Variants in RPTOR observed in about 807,000 individuals in gnomAD.
RPTOR encodes regulatory associated protein of MTOR complex 1, also known as regulatory-associated protein of mTOR.
RPTOR carries 21 observed loss-of-function variants against 169.9 expected under a neutral mutation model. The ratio of observed to expected loss-of-function variants is 0.12; its 90% confidence interval spans 0.09 to 0.18. The LOEUF (loss-of-function observed/expected upper bound fraction) is 0.18. Ranked by LOEUF, RPTOR falls within the 10% of genes least tolerant of loss-of-function variation. The pLI, the probability that RPTOR is intolerant of heterozygous loss-of-function variation, is 1.00. For synonymous variants in RPTOR, 732 were observed against 753.2 expected, an observed-to-expected ratio of 0.97 and a Z score of 0.46; for missense variants, 1,133 against 1,855.9, an observed-to-expected ratio of 0.61 and a Z score of 7.16.
chr17:80,769,808 G>A (rs571023617), intron 6 of RPTOR, among the ~76,000 whole-genome samples: 1 of 152,342 alleles, frequency 6.6e-6, no homozygotes, highest in African/African-American at 2.4e-5. Flanking sequence ...TGTGGCATCT[G>A]AGTGAAGGAT....
Position 80,860,189 on chromosome 17 carries a change from C to T in RPTOR, c.1509+2289C>T, listed in dbSNP as rs186974586. Reference sequence around the variant, plus strand: ...TCCGTCCAGTCACTGGCACTGAGACCCAGCCTCATCCTTAGCCCTGTCAGC... The same window carrying T: ...TCCGTCCAGTCACTGGCACTGAGACTCAGCCTCATCCTTAGCCCTGTCAGC... On this transcript the variant is annotated intron_variant, in intron 13 of 33. Transcript: ENST00000306801. This position sits in a 1 kb window ranked among gnomAD's most constrained non-coding sequence, Gnocchi z 5.8. Among the ~76,000 whole-genome samples, 12 of 152,344 alleles carry T rather than the reference C, an allele frequency of 7.9e-5. No individual in the cohort carries two copies. The highest frequency in any genetic ancestry group is 2.6e-4 in the African/African-American group (11 of 41,588).
intron 24 of RPTOR, among the ~76,000 whole-genome samples, chr17:80,925,893 A>C (rs1476433785): frequency 1.3e-5 from 2 of 152,232 alleles, no homozygotes; most frequent in Non-Finnish European, 2.9e-5. Flanking sequence ...TCTGAGGCTC[A>C]ACCCTGACAC....
intron 5 of RPTOR, among the ~76,000 whole-genome samples, chr17:80,747,635 C>A (rs912407553): frequency 2.6e-5 from 4 of 152,238 alleles, no homozygotes; most frequent in Non-Finnish European, 5.9e-5. Flanking sequence ...GCCAAGCGCC[C>A]GTGCATCTCA....
intron 1 of RPTOR, among the ~76,000 whole-genome samples, chr17:80,575,581 C>T (rs2064955688): frequency 6.6e-6 from 1 of 152,156 alleles, no homozygotes; most frequent in East Asian, 1.9e-4. Context: ...CGTGTGCATA[C>T]ATGCATGCAC....
intron 6 of RPTOR, among the ~76,000 whole-genome samples, chr17:80,790,036 C>A (rs2067031340): frequency 6.6e-6 from 1 of 152,060 alleles, no homozygotes; most frequent in African/African-American, 2.4e-5. Context: ...CAGAGAAATT[C>A]TGGTTTGCCT....
At position 80,908,894 on chromosome 17, in the gene RPTOR, G is replaced by C; in HGVS notation, c.2485G>C (p.Val829Leu). Residue 829 changes from valine (V) to leucine (L), a missense_variant, in exon 21 of 34, where the codon GTG (valine) becomes CTG (leucine). Coordinates refer to ENST00000306801, the MANE Select transcript of RPTOR (RefSeq NM_020761.3). ...AADPYPEVSD[V>L]AMKVLNSIAY... is the part of the protein sequence containing the mutation. Reference sequence around the variant, plus strand: ...TGACCCCTATCCAGAGGTCTCGGACGTGGCCATGAAAGTACTCAACAGCAT... The same window carrying C: ...TGACCCCTATCCAGAGGTCTCGGACCTGGCCATGAAAGTACTCAACAGCAT... 1.2e-6 allele frequency: 2 copies of C among 1,614,064 alleles called. No individual in the cohort carries two copies. Among genetic ancestry groups the C allele is most frequent in the Non-Finnish European group, 1.7e-6 (2 of 1,179,972 alleles).
chr17:80,561,932 G>A (rs1287227052), intron 1 of RPTOR, among the ~76,000 whole-genome samples: 3 of 152,160 alleles, frequency 2.0e-5, no homozygotes, highest in African/African-American at 7.2e-5. Flanking sequence ...GTGCTTATGT[G>A]TATGCATGTG....
chr17:80,897,362 G>T (rs2068419909), intron 20 of RPTOR, among the ~76,000 whole-genome samples: 1 of 152,110 alleles, frequency 6.6e-6, no homozygotes, highest in Non-Finnish European at 1.5e-5. Flanking sequence ...TTGAGTGGGT[G>T]CTCTATATCA....
chr17:80,622,813 G>A (rs1044491380), intron 1 of RPTOR, among the ~76,000 whole-genome samples: 1 of 152,160 alleles, frequency 6.6e-6, no homozygotes, highest in Non-Finnish European at 1.5e-5. Context: ...TGAGGTGGGA[G>A]GATCGCTTGA....
At chr17:80,736,102 T>C (rs1263606602) in intron 5 of RPTOR, among the ~76,000 whole-genome samples, 1 of 151,978 alleles carries the variant, frequency 6.6e-6, no homozygotes, top group Non-Finnish European at 1.5e-5. Flanking sequence ...AGCTCAGAGC[T>C]GGAGGCTGCA....
In RPTOR at chr17:80,957,191, C is replaced by T. The variant is rs113300646; in HGVS notation, c.3371-433C>T. ...TGGACTTGGGAGTTCCAGCTTAGAA[C>T]TGTCACCCCGGCCTGGACTTGGGAG... On this transcript the variant is annotated intron_variant, in intron 28 of 33. Transcript: ENST00000306801. The surrounding 1 kb of genome is among the most constrained non-coding windows in gnomAD (Gnocchi z 4.6). 2.8e-4 allele frequency among the ~76,000 whole-genome samples: 1 copy of T among 3,578 alleles called. No individual in the cohort carries two copies. The highest frequency in any genetic ancestry group is 2.2e-3 in the African/African-American group (1 of 446). The allele number at this position is 3,578 out of a possible 152,430, so 2.3% of individuals were successfully genotyped here.
intron 21 of RPTOR, among the ~76,000 whole-genome samples, chr17:80,918,444 G>GGGTC (rs2068701793): frequency 4.8e-5 from 6 of 124,622 alleles, no homozygotes; most frequent in African/African-American, 1.3e-4. Context: ...ACCCTCGCCG[G>GGGTC]AGTCATAGCC....
intron 4 of RPTOR, among the ~76,000 whole-genome samples, chr17:80,710,121 T>C (rs2066175380): frequency 1.3e-5 from 1 of 78,748 alleles, no homozygotes; most frequent in South Asian, 6.3e-4. Context: ...GGACTACAGG[T>C]GTGCACCACC....
intron 19 of RPTOR, 36 bp from the exon 20 acceptor site, chr17:80,893,671 G>A (rs762453656): frequency 9.4e-6 from 15 of 1,587,924 alleles, no homozygotes; most frequent in South Asian, 5.6e-5. Context: ...GGAGGGTCCC[G>A]GGAGCACCCC....
intron 7 of RPTOR, among the ~76,000 whole-genome samples, chr17:80,793,687 C>A (rs143765292): frequency 3.3e-5 from 5 of 152,350 alleles, no homozygotes; most frequent in African/African-American, 1.2e-4. Context: ...TGTGGCTACT[C>A]CGGACAGAGC....
intron 3 of RPTOR, among the ~76,000 whole-genome samples, chr17:80,688,979 A>C (rs2143734774): frequency 6.6e-6 from 1 of 152,332 alleles, no homozygotes; most frequent in South Asian, 2.1e-4. Flanking sequence ...CTCCTGCAGA[A>C]CGGCAGCTGC....
chr17:80,884,065 C>T lies in RPTOR; in HGVS notation c.1842+93C>T, dbSNP rs947003883. The T allele has an allele frequency of 1.6e-5, 21 of 1,305,878 alleles. No homozygotes were observed. The Admixed American group carries it at 1.9e-4, about 12-fold the overall frequency. 80.9% of individuals were successfully genotyped at this position (1,305,878 alleles called of 1,614,324 possible). ...GCTCGCGTGCGGGTGTGGCCGGCCA[C>T]GTGTCCAGGAACTTCAGGGGCTGCA... On this transcript the variant is annotated intron_variant, in intron 16 of 33. Transcript: ENST00000306801.
At position 80,857,900 on chromosome 17, in the gene RPTOR, C is replaced by T. The variant is rs139995018; in HGVS notation, c.1509C>T (p.Ser503=). Residue 503 remains serine, a splice_region_variant and synonymous_variant, in exon 13 of 34, where the codon AGC becomes AGT. Transcript: ENST00000306801. ...FIWAKILAVD[S]SCQADLVKDN... The stretch of plus-strand genomic sequence containing the variant: ...GGGCCAAGATCCTCGCAGTGGACAG[C>T]GTGAGTATCCCCGCCCTCCTCCCCA... 1.9e-5 allele frequency: 31 copies of T among 1,609,230 alleles called. No individual in the cohort carries two copies. Among genetic ancestry groups the T allele is most frequent in the Admixed American group, 5.0e-5 (3 of 59,988 alleles).
intron 1 of RPTOR, among the ~76,000 whole-genome samples, chr17:80,613,943 G>C (rs2065290439): frequency 6.6e-6 from 1 of 152,256 alleles, no homozygotes; most frequent in Non-Finnish European, 1.5e-5. Flanking sequence ...GCCGTGCTGA[G>C]TGGATTCCTG....
Sources: allele counts gnomAD v4.1 joint callset (sites outside exome capture counted in the v4.1 genomes callset), GRCh38; gene constraint gnomAD v4.1.1; non-coding constraint Gnocchi (gnomAD v3.1); transcripts MANE v1.5; gene names NCBI Gene and HGNC (gene_info 2026-07-23, HGNC 2026-07-21).